RAP1GAP2: variants seen among roughly 807,000 people sequenced by gnomAD.
The protein encoded by RAP1GAP2 is RAP1 GTPase activating protein 2.
A neutral mutation model predicts 95.0 loss-of-function variants in RAP1GAP2; 27 were observed. The ratio of observed to expected loss-of-function variants is 0.28; its 90% CI spans 0.21 to 0.39. The LOEUF is 0.39. RAP1GAP2 is among the 10% of genes least tolerant of loss of function. The probability of loss-of-function intolerance (pLI) is 1.00; values close to 1 mark genes in which losing one functional copy is unlikely to be tolerated. For synonymous variants in RAP1GAP2, 373 were observed against 380.9 expected (o/e 0.98, Z 0.24); for missense variants, 771 against 970.0 (o/e 0.79, Z 2.72).
intron 3 of RAP1GAP2, among the ~76,000 whole-genome samples, chr17:2,940,135 G>C (rs2043441176): frequency 6.6e-6 from 1 of 152,174 alleles, no homozygotes; most frequent in Non-Finnish European, 1.5e-5. Flanking sequence ...CCTGGAGGGG[G>C]TGGGGAACAG....
Position 3,018,095 on chromosome 17 carries a change from C to G in RAP1GAP2, c.1529C>G (p.Thr510Ser), listed in dbSNP as rs569151472. Residue 510 changes from threonine (T) to serine (S), a missense_variant, in exon 18 of 25, where the codon ACC becomes AGC. Coordinates refer to ENST00000254695, the MANE Select transcript of RAP1GAP2 (RefSeq NM_015085.5). Reference sequence around the variant, plus strand: ...CGCGTACGCAGCCACTCCATGGAGACCATGGTGGGCGGCCAGAAGAAGTCG... The same window carrying G: ...CGCGTACGCAGCCACTCCATGGAGAGCATGGTGGGCGGCCAGAAGAAGTCG... ...AIRVRSHSME[T>S]MVGGQKKSHS... 1 of 1,592,056 alleles carries G rather than the reference C, an allele frequency of 6.3e-7. No individual in the cohort carries two copies. The highest frequency in any genetic ancestry group is 1.3e-5 in the African/African-American group (1 of 74,394).
intron 1 of RAP1GAP2, among the ~76,000 whole-genome samples, chr17:2,758,677 A>G (rs1211359834): frequency 6.6e-6 from 1 of 152,218 alleles, no homozygotes; most frequent in East Asian, 1.9e-4. Context: ...CCCTGGATCT[A>G]GGACTTCCCA....
At chr17:2,766,586 G>A (rs1429551315) in intron 1 of RAP1GAP2, among the ~76,000 whole-genome samples, 1 of 151,988 alleles carries the variant, frequency 6.6e-6, no homozygotes, top group African/African-American at 2.4e-5. Context: ...CTCCAGCTCA[G>A]GTGACAGAGA....
chr17:3,033,030 C>T lies in RAP1GAP2; in HGVS notation c.*31-362C>T, dbSNP rs558986697. On this transcript the variant is annotated intron_variant, in intron 24 of 24. Coordinates refer to ENST00000254695, the MANE Select transcript of RAP1GAP2 (RefSeq NM_015085.5). This position sits in a 1 kb window ranked among gnomAD's most constrained non-coding sequence, Gnocchi z 4.9. ...CCATCTGAGCTCCCAGCCCTCTCCC[C>T]ACATGGGGCTTCAGGGGTCAGAGTC... 5.8e-5 allele frequency: 9 copies of T among 155,918 alleles called. No individual in the cohort carries two copies. The South Asian group carries it at 1.7e-3, about 30-fold the overall frequency. 9.7% of individuals were successfully genotyped at this position (155,918 alleles called of 1,614,324 possible).
In RAP1GAP2 at chr17:2,867,771, G is replaced by C. The variant is rs1457267083; in HGVS notation, c.81-37513G>C. Among the ~76,000 whole-genome samples, 1 of 152,120 alleles carries C rather than the reference G, an allele frequency of 6.6e-6. No homozygotes were observed. Among genetic ancestry groups the C allele is most frequent in the Non-Finnish European group, 1.5e-5 (1 of 68,022 alleles). On this transcript the variant is annotated intron_variant, in intron 2 of 24. Transcript: ENST00000254695. The surrounding 1 kb of genome is among the most constrained non-coding windows in gnomAD (Gnocchi z 4.5). ...CTGGGCAGTAAAAATGCCAACAGCT[G>C]TCCACTCTGCTGGCCCTAGTGGCTT...
At chr17:2,769,327 G>A (rs1377626616) in intron 1 of RAP1GAP2, among the ~76,000 whole-genome samples, 2 of 148,486 alleles carry the variant, frequency 1.3e-5, no homozygotes, top group Non-Finnish European at 1.5e-5. Flanking sequence ...AGGCCGAGGC[G>A]GGCGGATCAC....
chr17:2,849,477 C>A (rs1201707685), intron 2 of RAP1GAP2, among the ~76,000 whole-genome samples: 1 of 152,200 alleles, frequency 6.6e-6, no homozygotes, highest in Admixed American at 6.5e-5. Flanking sequence ...CACAGAAGGC[C>A]CTTTTCTTCA....
intron 2 of RAP1GAP2, among the ~76,000 whole-genome samples, chr17:2,832,875 G>A (rs559037201): frequency 5.3e-5 from 8 of 151,378 alleles, no homozygotes; most frequent in South Asian, 4.2e-4. Flanking sequence ...ACTCGGTGGG[G>A]GGCTGAGGCA....
At position 3,016,267 on chromosome 17, in the gene RAP1GAP2, C is replaced by A. The variant is rs751438530; in HGVS notation, c.1495-1794C>A. ...AATCATTGAGAAAACCTTTCCCCAG[C>A]GCACCCAGTGGATATGCCCTCCTCT... On this transcript the variant is annotated intron_variant, in intron 17 of 24. Coordinates refer to ENST00000254695, the MANE Select transcript of RAP1GAP2 (RefSeq NM_015085.5). Among the ~76,000 whole-genome samples, 3 of 152,214 alleles carry A rather than the reference C, an allele frequency of 2.0e-5. No individual in the cohort carries two copies. In the South Asian group the frequency reaches 6.2e-4, roughly 32 times the overall value.
intron 2 of RAP1GAP2, among the ~76,000 whole-genome samples, chr17:2,878,980 G>A (rs78268184): frequency 0.035 from 5,301 of 152,288 alleles, 316 homozygotes; most frequent in African/African-American, 0.12. Flanking sequence ...GAGCCCGGAG[G>A]CCGGCGCTGG....
chr17:2,766,514 G>A (rs956047330), intron 1 of RAP1GAP2, among the ~76,000 whole-genome samples: 6 of 152,188 alleles, frequency 3.9e-5, no homozygotes, highest in East Asian at 1.9e-4. Flanking sequence ...GGAGGCTGAG[G>A]CAGGAGAATT....
chr17:2,948,104 G>A (rs1460997190), intron 3 of RAP1GAP2, among the ~76,000 whole-genome samples: 1 of 152,222 alleles, frequency 6.6e-6, no homozygotes, highest in Non-Finnish European at 1.5e-5. Context: ...CGACCTGTGT[G>A]CCAGGCTCTG....
At position 3,008,593 on chromosome 17, in the gene RAP1GAP2, G is replaced by A. The variant is rs765939773; in HGVS notation, c.1494+448G>A. On this transcript the variant is annotated intron_variant, in intron 17 of 24. Coordinates refer to ENST00000254695, the MANE Select transcript of RAP1GAP2 (RefSeq NM_015085.5). The surrounding 1 kb of genome is among the most constrained non-coding windows in gnomAD (Gnocchi z 4.2). ...TGATTCTTCCTAGCCAGCCGGCCGAGCATTGGAAGACCTGGCTGGGCAGGG... is the reference window on the plus strand; with the variant it reads ...TGATTCTTCCTAGCCAGCCGGCCGAACATTGGAAGACCTGGCTGGGCAGGG... Among the ~76,000 whole-genome samples, 2 of 152,210 alleles carry A rather than the reference G, an allele frequency of 1.3e-5. No individual in the cohort carries two copies. The highest frequency in any genetic ancestry group is 2.9e-5 in the Non-Finnish European group (2 of 68,036).
At chr17:2,853,642 C>T (rs1417920707) in intron 2 of RAP1GAP2, among the ~76,000 whole-genome samples, 22 of 145,196 alleles carry the variant, frequency 1.5e-4, no homozygotes, top group Non-Finnish European at 7.6e-5. Context: ...TCCGGGCGGC[C>T]GAGGCCGGGG....
At chr17:2,905,430 C>A in intron 3 of RAP1GAP2, 62 bp downstream of exon 3, 1 of 1,541,226 alleles carries the variant, frequency 6.5e-7, no homozygotes, top group Non-Finnish European at 8.9e-7. Context: ...TGAGGCCTTG[C>A]TGTGGCTTTG....
At chr17:2,826,581 G>A (rs936561899) in intron 2 of RAP1GAP2, among the ~76,000 whole-genome samples, 1 of 151,950 alleles carries the variant, frequency 6.6e-6, no homozygotes, top group Non-Finnish European at 1.5e-5. Context: ...CGGAAGGGAG[G>A]AGATGCTTGC....
At chr17:2,769,294 G>A (rs1321474482) in intron 1 of RAP1GAP2, among the ~76,000 whole-genome samples, 2 of 118,216 alleles carry the variant, frequency 1.7e-5, no homozygotes, top group East Asian at 3.0e-4. Context: ...GGTGGCTCAC[G>A]CCTGTAATCC....
chr17:2,982,041 A>G (rs1464441033), intron 10 of RAP1GAP2, among the ~76,000 whole-genome samples: 2 of 152,168 alleles, frequency 1.3e-5, no homozygotes, highest in Non-Finnish European at 2.9e-5. Flanking sequence ...GGCTCTGTCT[A>G]TCCTCTGAGT....
At chr17:2,924,660 C>T (rs1567784008) in intron 3 of RAP1GAP2, among the ~76,000 whole-genome samples, 1 of 152,006 alleles carries the variant, frequency 6.6e-6, no homozygotes, top group Non-Finnish European at 1.5e-5. Flanking sequence ...GTTGGGTTTG[C>T]TTCCCCGAGG....
Sources: gnomAD v4.1 joint callset for allele counts (sites outside exome capture counted in the v4.1 genomes callset) on GRCh38, gnomAD v4.1.1 for gene constraint, Gnocchi (gnomAD v3.1) non-coding constraint, MANE v1.5 for transcripts, NCBI Gene and HGNC (gene_info 2026-07-23, HGNC 2026-07-21) for gene names.